TTC13: variants seen among roughly 807,000 people sequenced by gnomAD.
The protein encoded by TTC13 is tetratricopeptide repeat domain 13, also known as tetratricopeptide repeat protein 13.
A neutral mutation model predicts 120.0 loss-of-function variants in TTC13; 62 were observed. The ratio of observed to expected loss-of-function variants is 0.52; its 90% CI spans 0.42 to 0.64. TTC13 has a LOEUF of 0.64. Among genes scored for constraint, TTC13 ranks in the 30% least tolerant of loss-of-function variants. The probability of loss-of-function intolerance (pLI) is 0.00; values close to 1 mark genes in which losing one functional copy is unlikely to be tolerated. For missense variants in TTC13, 824 were observed against 1,050.2 expected, an observed-to-expected ratio of 0.78 and a Z score of 2.98; for synonymous variants, 384 against 393.5, an observed-to-expected ratio of 0.98 and a Z score of 0.28.
At chr1:230,975,625 G>A (rs139186897) in intron 1 of TTC13, among the ~76,000 whole-genome samples, 2 of 152,084 alleles carry the variant, frequency 1.3e-5, no homozygotes, top group East Asian at 3.8e-4. Context: ...AGTAAACAAA[G>A]AGAGAAGACA....
In TTC13 at chr1:230,978,584, C is replaced by T. The variant is rs1022662311; in HGVS notation, c.247G>A (p.Asp83Asn). 2.5e-5 allele frequency: 33 copies of T among 1,314,610 alleles called. No individual in the cohort carries two copies. The highest frequency in any genetic ancestry group is 9.3e-5 in the African/African-American group (6 of 64,698). The allele number at this position is 1,314,610 out of a possible 1,614,324, so 81.4% of individuals were successfully genotyped here. ...GCSPQSGDWG[D>N]QYSAECGESS... ...CCGCCGCACTCGGCAGAGTACTGGTCCCCCCAGTCCCCGGACTGCGGGCTG... is the reference window on the plus strand; with the variant it reads ...CCGCCGCACTCGGCAGAGTACTGGTTCCCCCAGTCCCCGGACTGCGGGCTG... The change falls in exon 1 of 23, where the codon GAC becomes AAC. Residue 83 changes from aspartate (D) to asparagine (N), a missense_variant. This residue lies in a region of TTC13 where 160 missense variants were observed against 137.2 expected (regional missense o/e 1.17). Coordinates refer to ENST00000366661, the MANE Select transcript of TTC13 (RefSeq NM_024525.5). This position sits in a 1 kb window ranked among gnomAD's most constrained non-coding sequence, Gnocchi z 5.6.
intron 9 of TTC13, among the ~76,000 whole-genome samples, chr1:230,932,914 A>G (rs1357197153): frequency 6.6e-6 from 1 of 152,200 alleles, no homozygotes; most frequent in Non-Finnish European, 1.5e-5. Flanking sequence ...ACCAAGGCAG[A>G]ACTAAGTCAT....
intron 1 of TTC13, among the ~76,000 whole-genome samples, chr1:230,973,404 C>T (rs1677958985): frequency 1.3e-5 from 2 of 152,210 alleles, no homozygotes; most frequent in East Asian, 3.8e-4. Flanking sequence ...CCTTATTTTT[C>T]TGGCAGTTCA....
At chr1:230,915,420 TGACA>T (rs774595409) in intron 18 of TTC13, among the ~76,000 whole-genome samples, 5 of 152,220 alleles carry the variant, frequency 3.3e-5, no homozygotes, top group South Asian at 2.1e-4. Context: ...ATATGGAGGC[TGACA>T]GACAAAGCTT....
rs772862048 is a variant in TTC13 at position 230,916,142 on chromosome 1, AC to A, written c.2093+50del. On this transcript the variant is annotated intron_variant, in intron 18 of 22. Coordinates refer to ENST00000366661, the MANE Select transcript of TTC13 (RefSeq NM_024525.5). ...CTCTATAGTGACAATAAGCACAGGC[AC>A]CCTTCCTGCCTCGTCTCTAGTTTAC... 3.7e-6 allele frequency: 5 copies of A among 1,343,270 alleles called. No individual in the cohort carries two copies. The African/African-American group carries it at 7.2e-5, about 19-fold the overall frequency. The allele number at this position is 1,343,270 out of a possible 1,614,324, so 83.2% of individuals were successfully genotyped here. A position where few individuals can be genotyped will look rare whatever the true frequency, so the allele number is the denominator to read the frequency against.
In TTC13 at chr1:230,940,597, C is replaced by T. The variant is rs963217009; in HGVS notation, c.673-41G>A. On this transcript the variant is annotated intron_variant, in intron 6 of 22. Coordinates refer to ENST00000366661, the MANE Select transcript of TTC13 (RefSeq NM_024525.5). This position sits in a 1 kb window ranked among gnomAD's most constrained non-coding sequence, Gnocchi z 4.1. ...ATGTAATCAGGAAGAATACCAATGA[C>T]CAACCCTAAAATCCCAATGTTTTTG... The T allele has an allele frequency of 9.1e-6, 12 of 1,322,496 alleles. No homozygotes were observed. Among genetic ancestry groups the T allele is most frequent in the Non-Finnish European group, 1.3e-5 (12 of 919,510 alleles). The allele number at this position is 1,322,496 out of a possible 1,614,324, so 81.9% of individuals were successfully genotyped here.
At position 230,930,850 on chromosome 1, in the gene TTC13, G is replaced by A. The variant is rs188842822; in HGVS notation, c.1300+448C>T. On this transcript the variant is annotated intron_variant, in intron 11 of 22. Transcript: ENST00000366661. ...GGAGAATGGGATGAACCCAGGAGGC[G>A]GAGGTTGCAGTGAGCTGAGATTGCA... Among the ~76,000 whole-genome samples, 1,408 of 152,226 alleles carry A rather than the reference G, an allele frequency of 9.2e-3. 8 individuals carry two copies. Among genetic ancestry groups the A allele is most frequent in the South Asian group, 0.015 (72 of 4,830 alleles).
intron 3 of TTC13, among the ~76,000 whole-genome samples, chr1:230,954,748 A>G (rs1278741645): frequency 6.6e-6 from 1 of 152,220 alleles, no homozygotes; most frequent in Non-Finnish European, 1.5e-5. Flanking sequence ...AAGCCTAAAT[A>G]ATGTCCACAT....
intron 1 of TTC13, among the ~76,000 whole-genome samples, chr1:230,967,615 A>C (rs1677255037): frequency 6.6e-6 from 1 of 152,154 alleles, no homozygotes; most frequent in South Asian, 2.1e-4. Flanking sequence ...ATTTTACTTA[A>C]AATTTTTATA....
intron 1 of TTC13, among the ~76,000 whole-genome samples, chr1:230,967,527 T>G (rs1190564703): frequency 4.6e-5 from 7 of 152,216 alleles, no homozygotes; most frequent in African/African-American, 1.7e-4. Flanking sequence ...CTAATTTAAT[T>G]TTTTCAAGTT....
At position 230,978,697 on chromosome 1, in the gene TTC13, G is replaced by T; in HGVS notation, c.134C>A (p.Ala45Asp). 3.3e-6 allele frequency: 5 copies of T among 1,494,988 alleles called. No homozygotes were observed. In the South Asian group the frequency reaches 3.7e-5, roughly 11 times the overall value. The allele number at this position is 1,494,988 out of a possible 1,614,324, so 92.6% of individuals were successfully genotyped here. A position where few individuals can be genotyped will look rare whatever the true frequency, so the allele number is the denominator to read the frequency against. The change falls in exon 1 of 23, where the codon GCC becomes GAC. Residue 45 changes from alanine to aspartate, a missense_variant. Physicochemically the swap from Ala to Asp is moderately radical, Grantham distance 126. Transcript: ENST00000366661. This position sits in a 1 kb window ranked among gnomAD's most constrained non-coding sequence, Gnocchi z 5.6. The part of the protein sequence containing the change: ...LSAGLRPGAL[A>D]TEHYSPLSLL... ...GGAGAGCGGCGAGTAGTGCTCGGTG[G>T]CCAGGGCGCCTGGCCGCAGCCCGGC...
intron 22 of TTC13, 29 bp downstream of exon 22, chr1:230,908,683 C>A: frequency 1.3e-6 from 2 of 1,591,546 alleles, no homozygotes; most frequent in Non-Finnish European, 1.7e-6. Flanking sequence ...GTTATGATAC[C>A]CTTGTGTGGA....
intron 15 of TTC13, among the ~76,000 whole-genome samples, chr1:230,923,259 TAAAG>T (rs1672756731): frequency 2.0e-5 from 3 of 152,172 alleles, no homozygotes; most frequent in South Asian, 2.1e-4. Context: ...GCTAGGCACA[TAAAG>T]AAAGAGTGAA....
At chr1:230,956,661 T>C in intron 3 of TTC13, 1 of 252,060 alleles carries the variant, frequency 4.0e-6, no homozygotes, top group Non-Finnish European at 8.0e-6. Context: ...TGTCCACATC[T>C]AAGTGATTGA....
intron 1 of TTC13, among the ~76,000 whole-genome samples, chr1:230,967,527 T>C (rs1190564703): frequency 6.6e-6 from 1 of 152,216 alleles, no homozygotes; most frequent in Non-Finnish European, 1.5e-5. Context: ...CTAATTTAAT[T>C]TTTTCAAGTT....
intron 3 of TTC13, chr1:230,956,659 T>C (rs900277322): frequency 3.9e-6 from 1 of 253,750 alleles, no homozygotes; most frequent in Non-Finnish European, 7.9e-6. Flanking sequence ...GCTGTCCACA[T>C]CTAAGTGATT....
At chr1:230,945,696 C>T (rs146817475) in intron 4 of TTC13, among the ~76,000 whole-genome samples, 16 of 152,246 alleles carry the variant, frequency 1.1e-4, no homozygotes, top group East Asian at 7.7e-4. Flanking sequence ...ACCAACATTA[C>T]GCAGAAACAT....
chr1:230,962,411 C>A (rs1463075241), intron 1 of TTC13, among the ~76,000 whole-genome samples: 1 of 152,136 alleles, frequency 6.6e-6, no homozygotes, highest in Non-Finnish European at 1.5e-5. Flanking sequence ...CCTCTTCACA[C>A]ACACACACTA....
rs762317929 is a variant in TTC13, at chr1:230,931,852, T to C, written c.1009A>G (p.Thr337Ala). The change falls in exon 10 of 23, where the codon ACT (threonine) becomes GCT (alanine). Residue 337 changes from threonine to alanine, a missense_variant. Thr to Ala is a moderately conservative substitution (Grantham distance 58, BLOSUM62 0). This residue lies in a region of TTC13 where 430 missense variants were observed against 626.8 expected (regional missense o/e 0.69). Transcript: ENST00000366661. Reference sequence around the variant, plus strand: ...AACAGTGCCTTTTGAAAGCTCTCAGTGGCTGCTTCAAAATTGCCCAGTTCT... The same window carrying C: ...AACAGTGCCTTTTGAAAGCTCTCAGCGGCTGCTTCAAAATTGCCCAGTTCT... ...YRELGNFEAA[T>A]ESFQKALLLN... 8 of 1,614,086 alleles carry C rather than the reference T, an allele frequency of 5.0e-6. No individual in the cohort carries two copies. The highest frequency in any genetic ancestry group is 1.3e-5 in the African/African-American group (1 of 74,930).
Sources: gnomAD v4.1 joint callset for allele counts (sites outside exome capture counted in the v4.1 genomes callset) on GRCh38, gnomAD v4.1.1 for gene constraint, gnomAD v4.1.1 regional missense constraint, Gnocchi (gnomAD v3.1) non-coding constraint, MANE v1.5 for transcripts, NCBI Gene and HGNC (gene_info 2026-07-23, HGNC 2026-07-21) for gene names.